The following KDM4B variants were observed in gnomAD, a reference collection of about 807,000 sequenced individuals.
The protein encoded by KDM4B is lysine demethylase 4B.
KDM4B carries 32 observed loss-of-function variants against 125.2 expected under a neutral mutation model. That is an observed-to-expected ratio of 0.26 (90% CI 0.19 to 0.34). KDM4B has a LOEUF of 0.34. Ranked by LOEUF, KDM4B falls within the 10% of genes least tolerant of loss-of-function variation. The pLI, the probability that KDM4B is intolerant of heterozygous loss-of-function variation, is 1.00. For synonymous variants in KDM4B, 721 were observed against 677.9 expected (o/e 1.06, Z -0.99); for missense variants, 1,190 against 1,577.7 (o/e 0.75, Z 4.16).
chr19:5,072,536 A>G lies in KDM4B; in HGVS notation c.676+1477A>G, dbSNP rs187125399. Among the ~76,000 whole-genome samples, 68 of 152,350 alleles carry G rather than the reference A, an allele frequency of 4.5e-4. 1 individual carries two copies. The highest frequency in any genetic ancestry group is 1.5e-3 in the African/African-American group (64 of 41,582). ...CTGCAGTCACAGACAGGCCGTAGCAAAGGTCCAGCTCACTTACATACTAAA... is the reference window on the plus strand; with the variant it reads ...CTGCAGTCACAGACAGGCCGTAGCAGAGGTCCAGCTCACTTACATACTAAA... On this transcript the variant is annotated intron_variant, in intron 7 of 22. Transcript: ENST00000159111.
intron 6 of KDM4B, among the ~76,000 whole-genome samples, chr19:5,067,787 G>A (rs1009077258): frequency 1.2e-4 from 19 of 152,280 alleles, no homozygotes; most frequent in African/African-American, 4.6e-4. Context: ...GAGGGCCTGG[G>A]CAGCTGTCTG....
At chr19:5,102,396 G>C (rs1320735338) in intron 9 of KDM4B, among the ~76,000 whole-genome samples, 1 of 152,208 alleles carries the variant, frequency 6.6e-6, no homozygotes, top group Non-Finnish European at 1.5e-5. Context: ...TTGCCTGGCA[G>C]GGAGTGGAGA....
At chr19:5,101,421 G>A (rs1305795882) in intron 9 of KDM4B, among the ~76,000 whole-genome samples, 1 of 151,894 alleles carries the variant, frequency 6.6e-6, no homozygotes, top group African/African-American at 2.4e-5. Flanking sequence ...ACTTTGGGAG[G>A]CTGAGGCAGG....
chr19:5,027,839 CCTT>C (rs1373375867), intron 2 of KDM4B, among the ~76,000 whole-genome samples: 4 of 152,154 alleles, frequency 2.6e-5, no homozygotes, highest in Non-Finnish European at 4.4e-5. Context: ...CCGCACCCAG[CCTT>C]CTTTTTAATT....
intron 3 of KDM4B, among the ~76,000 whole-genome samples, chr19:5,038,262 C>T (rs976520828): frequency 2.6e-5 from 4 of 152,222 alleles, no homozygotes; most frequent in African/African-American, 9.6e-5. Context: ...AGAAGGGTGC[C>T]TGGCACCCAG....
chr19:5,140,600 CG>C (rs1015654565), intron 18 of KDM4B: 6 of 152,082 alleles, frequency 3.9e-5, no homozygotes, highest in Non-Finnish European at 7.4e-5. Context: ...CTCTGCATGG[CG>C]GGACGTGCCT....
At chr19:5,135,289 G>A (rs774328073) in intron 14 of KDM4B, 50 bp from the exon 15 acceptor site, 18 of 1,363,656 alleles carry the variant, frequency 1.3e-5, no homozygotes, top group Middle Eastern at 1.8e-4. Context: ...CCGCCCGCCC[G>A]CCTGCCCCAC....
At chr19:5,131,582 A>C (rs1330274201) in intron 12 of KDM4B, 37 bp downstream of exon 12, 3 of 173,686 alleles carry the variant, frequency 1.7e-5, no homozygotes, top group Admixed American at 8.2e-5. Flanking sequence ...GGAGGGGGGC[A>C]GGTGGGGTGG....
intron 1 of KDM4B, among the ~76,000 whole-genome samples, chr19:5,002,833 C>T (rs2035434874): frequency 1.3e-5 from 2 of 151,964 alleles, no homozygotes; most frequent in South Asian, 2.1e-4. Context: ...TGCCTGTGGT[C>T]CCACCTACTC....
chr19:5,088,679 A>G (rs1173072305), intron 9 of KDM4B, among the ~76,000 whole-genome samples: 5 of 49,600 alleles, frequency 1.0e-4, no homozygotes, highest in Non-Finnish European at 2.5e-4. Context: ...CCCCCCCGCA[A>G]AAGAGCAGGT....
intron 7 of KDM4B, chr19:5,076,698 T>C (rs5018982): frequency 0.12 from 10,035 of 81,522 alleles, 35 homozygotes; most frequent in Middle Eastern, 0.24. Flanking sequence ...TCCCCAGGGT[T>C]GTGCTCTCTC....
intron 9 of KDM4B, among the ~76,000 whole-genome samples, chr19:5,083,830 G>T (rs1213043936): frequency 6.6e-6 from 1 of 152,194 alleles, no homozygotes; most frequent in African/African-American, 2.4e-5. Flanking sequence ...GAGCCTTCCA[G>T]TTCCTCCAGA....
At chr19:5,126,251 C>T (rs563169468) in intron 11 of KDM4B, among the ~76,000 whole-genome samples, 21 of 152,118 alleles carry the variant, frequency 1.4e-4, no homozygotes, top group Non-Finnish European at 2.6e-4. Flanking sequence ...CTGCTGGTGT[C>T]CCCTATCCCA....
chr19:5,032,018 C>G (rs1243933891), intron 2 of KDM4B, among the ~76,000 whole-genome samples: 5 of 152,212 alleles, frequency 3.3e-5, no homozygotes, highest in African/African-American at 9.7e-5. Flanking sequence ...GTCTTTCTGC[C>G]TTTGGAGATT....
chr19:5,121,103 G>A (rs906445140), intron 11 of KDM4B, among the ~76,000 whole-genome samples: 3 of 152,206 alleles, frequency 2.0e-5, no homozygotes, highest in Non-Finnish European at 1.5e-5. Flanking sequence ...GATCTGTGAC[G>A]ATGGGGTCGT....
At chr19:4,988,344 A>G in intron 1 of KDM4B, among the ~76,000 whole-genome samples, 1 of 151,854 alleles carries the variant, frequency 6.6e-6, no homozygotes, top group South Asian at 2.1e-4. Context: ...GGTGCGATCT[A>G]GGCTCACTGC....
At chr19:4,981,197 C>T (rs913457878) in intron 1 of KDM4B, among the ~76,000 whole-genome samples, 33 of 152,228 alleles carry the variant, frequency 2.2e-4, no homozygotes, top group Middle Eastern at 3.4e-3. Context: ...CATGGGGCAG[C>T]GTGGCCCCAG....
rs58219404 is a variant in KDM4B, at chr19:5,035,880, T to TGTGC, written c.141+2850_141+2851insTGCG. 8.5e-4 allele frequency among the ~76,000 whole-genome samples: 116 copies of TGTGC among 136,504 alleles called. 2 individuals are homozygous for TGTGC. Among genetic ancestry groups the TGTGC allele is most frequent in the African/African-American group, 2.9e-3 (111 of 37,904 alleles). 89.6% of individuals were successfully genotyped at this position (136,504 alleles called of 152,430 possible). On this transcript the variant is annotated intron_variant, in intron 3 of 22. Transcript: ENST00000159111. The surrounding 1 kb of genome is among the most constrained non-coding windows in gnomAD (Gnocchi z 5.3). ...ACGTGTCTCTGTGTGTGTGTGTGTG[T>TGTGC]GCGCGCGCGCGCGCGCCTGCGCGCA...
chr19:5,149,786 C>T (rs963670777), intron 21 of KDM4B, among the ~76,000 whole-genome samples: 3 of 152,256 alleles, frequency 2.0e-5, no homozygotes, highest in Admixed American at 6.5e-5. Context: ...AACAAGGCAC[C>T]AGCTGGGGAG....
Sources: gnomAD v4.1 joint callset for allele counts (sites outside exome capture counted in the v4.1 genomes callset) on GRCh38, gnomAD v4.1.1 for gene constraint, Gnocchi (gnomAD v3.1) non-coding constraint, MANE v1.5 for transcripts, NCBI Gene and HGNC (gene_info 2026-07-23, HGNC 2026-07-21) for gene names.